Variants in CYYR1 observed in about 807,000 individuals in gnomAD.
CYYR1 encodes cysteine and tyrosine-rich protein 1.
In CYYR1, 14 loss-of-function variants were observed where a neutral mutation model predicts 15.2. That is an observed-to-expected ratio of 0.92 (90% CI 0.61 to 1.44). The LOEUF (loss-of-function observed/expected upper bound fraction) is 1.44. CYYR1 is among the 40% of genes most tolerant of loss of function. The pLI is 0.00. For synonymous variants in CYYR1, 80 were observed against 77.4 expected, an observed-to-expected ratio of 1.03 and a Z score of -0.18; for missense variants, 228 against 209.5, an observed-to-expected ratio of 1.09 and a Z score of -0.54.
chr21:26,475,293 G>A (rs368108369), intron 3 of CYYR1, among the ~76,000 whole-genome samples: 1 of 151,392 alleles, frequency 6.6e-6, no homozygotes. Context: ...AAATTGGCAC[G>A]AGCAAAAAAG....
chr21:26,500,546 G>C (rs2065467017), intron 2 of CYYR1, among the ~76,000 whole-genome samples: 1 of 152,200 alleles, frequency 6.6e-6, no homozygotes, highest in South Asian at 2.1e-4. Flanking sequence ...CTGTGTCTAA[G>C]TACTGGAGGC....
intron 3 of CYYR1, among the ~76,000 whole-genome samples, chr21:26,473,347 G>C (rs2065060121): frequency 6.6e-6 from 1 of 151,828 alleles, no homozygotes; most frequent in Admixed American, 6.6e-5. Context: ...CGCATCCCCA[G>C]CCACATAAAC....
intron 2 of CYYR1, among the ~76,000 whole-genome samples, chr21:26,484,848 G>C (rs1313299225): frequency 6.6e-6 from 1 of 152,040 alleles, no homozygotes; most frequent in African/African-American, 2.4e-5. Flanking sequence ...TGCTCTTGAG[G>C]TCAATAATGA....
chr21:26,536,347 C>G (rs1006516829), intron 2 of CYYR1, among the ~76,000 whole-genome samples: 3 of 152,264 alleles, frequency 2.0e-5, no homozygotes, highest in African/African-American at 7.2e-5. Flanking sequence ...TGCTTTTCCA[C>G]GAGATGCTTT....
chr21:26,482,202 C>T (rs928711123), intron 2 of CYYR1: 14 of 756,010 alleles, frequency 1.9e-5, no homozygotes, highest in Non-Finnish European at 2.3e-5. Flanking sequence ...ACTTTGCTAT[C>T]TGCTGAGCCA....
chr21:26,569,782 G>A (rs1013170799), intron 1 of CYYR1, among the ~76,000 whole-genome samples: 5 of 152,100 alleles, frequency 3.3e-5, no homozygotes, highest in Non-Finnish European at 7.4e-5. Flanking sequence ...AATTGCTACC[G>A]TTGCATTCCG....
At chr21:26,543,446 C>A (rs1012070227) in intron 2 of CYYR1, among the ~76,000 whole-genome samples, 2 of 152,136 alleles carry the variant, frequency 1.3e-5, no homozygotes, top group Admixed American at 1.3e-4. Context: ...ATCTCTCTGT[C>A]CAGGTTTAAG....
At chr21:26,555,372 A>G (rs1469104321) in intron 2 of CYYR1, among the ~76,000 whole-genome samples, 2 of 152,216 alleles carry the variant, frequency 1.3e-5, no homozygotes, top group Non-Finnish European at 2.9e-5. Context: ...TGTTGTATCC[A>G]CACAGTAGAG....
At chr21:26,550,302 T>C (rs935828426) in intron 2 of CYYR1, 6 of 152,106 alleles carry the variant, frequency 3.9e-5, no homozygotes, top group African/African-American at 1.4e-4. Flanking sequence ...GTTCCCAATC[T>C]TTCTCTCTCC....
chr21:26,519,326 G>A (rs1569157998), intron 2 of CYYR1, among the ~76,000 whole-genome samples: 3 of 152,286 alleles, frequency 2.0e-5, no homozygotes, highest in Non-Finnish European at 4.4e-5. Flanking sequence ...CCAGGATCAG[G>A]GGAAGGGATG....
chr21:26,513,328 A>C (rs2123524063), intron 2 of CYYR1, among the ~76,000 whole-genome samples: 1 of 152,274 alleles, frequency 6.6e-6, no homozygotes, highest in South Asian at 2.1e-4. Flanking sequence ...TGTACCTCTA[A>C]GAATGCTGCA....
At chr21:26,529,767 A>G (rs1430519450) in intron 2 of CYYR1, among the ~76,000 whole-genome samples, 2 of 152,208 alleles carry the variant, frequency 1.3e-5, no homozygotes, top group Non-Finnish European at 2.9e-5. Context: ...CTGTGGTTCA[A>G]TGCTATTGGA....
At chr21:26,475,237 G>GT (rs766810808) in intron 3 of CYYR1, among the ~76,000 whole-genome samples, 85 of 151,806 alleles carry the variant, frequency 5.6e-4, no homozygotes, top group Non-Finnish European at 9.3e-4. Context: ...TACCTCCTCA[G>GT]TTTTTTTCAC....
chr21:26,505,452 A>C (rs903340378), intron 2 of CYYR1, among the ~76,000 whole-genome samples: 1 of 152,216 alleles, frequency 6.6e-6, no homozygotes, highest in African/African-American at 2.4e-5. Flanking sequence ...CACATTTCAC[A>C]GTGTGACTGT....
intron 2 of CYYR1, among the ~76,000 whole-genome samples, chr21:26,549,638 T>C (rs1196889485): frequency 6.6e-6 from 1 of 152,148 alleles, no homozygotes; most frequent in Admixed American, 6.5e-5. Flanking sequence ...GGGTATTTGA[T>C]GCACTACAGA....
chr21:26,535,137 C>T (rs1440678406), intron 2 of CYYR1, among the ~76,000 whole-genome samples: 2 of 151,074 alleles, frequency 1.3e-5, no homozygotes, highest in Non-Finnish European at 3.0e-5. Flanking sequence ...TGTTGAAAAA[C>T]TAACTATTAG....
chr21:26,542,030 C>T (rs1224817890), intron 2 of CYYR1, among the ~76,000 whole-genome samples: 2 of 152,046 alleles, frequency 1.3e-5, no homozygotes, highest in African/African-American at 4.8e-5. Context: ...AAGACTAAAT[C>T]CCACCACATC....
chr21:26,516,473 CT>C lies in CYYR1; in HGVS notation c.177-36045del, dbSNP rs1317945779. On this transcript the variant is annotated intron_variant, in intron 2 of 3. Coordinates refer to ENST00000652641, the MANE Select transcript of CYYR1 (RefSeq NM_001320768.2). ...AGTTAAAAATCTGAAATGCATTCTT[CT>C]GAAAGTTGCACTCTAAAAATATTGA... Among the ~76,000 whole-genome samples the C allele has an allele frequency of 6.6e-5, 10 of 152,224 alleles. 1 individual carries two copies. The highest frequency in any genetic ancestry group is 2.2e-4 in the African/African-American group (9 of 41,464).
At chr21:26,499,282 G>C (rs533848937) in intron 2 of CYYR1, among the ~76,000 whole-genome samples, 2 of 152,252 alleles carry the variant, frequency 1.3e-5, no homozygotes, top group South Asian at 2.1e-4. Flanking sequence ...GGACACACAG[G>C]GGCGATGTGA....
Sources: gnomAD v4.1 joint callset for allele counts (sites outside exome capture counted in the v4.1 genomes callset) on GRCh38, gnomAD v4.1.1 for gene constraint, MANE v1.5 for transcripts, NCBI Gene and HGNC (gene_info 2026-07-23, HGNC 2026-07-21) for gene names.